The following PDE8B variants were observed in gnomAD, a reference collection of about 807,000 sequenced individuals.
PDE8B encodes phosphodiesterase 8B.
A neutral mutation model predicts 101.3 loss-of-function variants in PDE8B; 26 were observed. The ratio of observed to expected loss-of-function variants is 0.26; its 90% CI spans 0.19 to 0.36. PDE8B has a LOEUF of 0.36. PDE8B is among the 10% of genes least tolerant of loss of function. The pLI, the probability that PDE8B is intolerant of heterozygous loss-of-function variation, is 1.00. For synonymous variants in PDE8B, 424 were observed against 429.3 expected, an observed-to-expected ratio of 0.99 and a Z score of 0.15; for missense variants, 810 against 1,163.1, an observed-to-expected ratio of 0.70 and a Z score of 4.42.
chr5:77,167,749 G>A, the PDE8B span, among the ~76,000 whole-genome samples: 5 of 152,198 alleles, frequency 3.3e-5, no homozygotes, highest in South Asian at 6.2e-4. Flanking sequence ...TTGAAGGGAT[G>A]AGTAGAACGG....
chr5:77,091,813 A>C, the PDE8B span, among the ~76,000 whole-genome samples: 2 of 152,192 alleles, frequency 1.3e-5, no homozygotes, highest in African/African-American at 2.4e-5. Flanking sequence ...GTCTAAAAGA[A>C]TCCATTTAAC....
chr5:77,250,603 A>T (rs1269200129), intron 1 of PDE8B, among the ~76,000 whole-genome samples: 5 of 152,236 alleles, frequency 3.3e-5, no homozygotes, highest in Non-Finnish European at 5.9e-5. Flanking sequence ...TTTCCATGTG[A>T]CGATGACTTT....
chr5:77,095,610 T>G, the PDE8B span, among the ~76,000 whole-genome samples: 1 of 152,192 alleles, frequency 6.6e-6, no homozygotes, highest in Non-Finnish European at 1.5e-5. Context: ...CATTGTTCCT[T>G]TTCAGTTAGG....
At chr5:77,335,837 C>G (rs1183008645) in intron 5 of PDE8B, among the ~76,000 whole-genome samples, 1 of 152,008 alleles carries the variant, frequency 6.6e-6, no homozygotes, top group East Asian at 1.9e-4. Context: ...TTCCCCTTTC[C>G]TAAGTAGAAT....
chr5:77,147,697 T>A, the PDE8B span: 1 of 152,166 alleles, frequency 6.6e-6, no homozygotes, highest in East Asian at 1.9e-4. Context: ...AGTTGCCATG[T>A]GAAGAGGGCC....
intron 14 of PDE8B, chr5:77,410,860 CTTT>C (rs1561672477): frequency 6.6e-6 from 1 of 151,852 alleles, no homozygotes; most frequent in Non-Finnish European, 1.5e-5. Flanking sequence ...TATTATTATA[CTTT>C]AAGTTTTAGG....
chr5:77,089,292 C>G, the PDE8B span: 1 of 153,738 alleles, frequency 6.5e-6, no homozygotes, highest in Admixed American at 6.5e-5. Flanking sequence ...GGTTGTGTGC[C>G]CCTTGTGAGA....
intron 10 of PDE8B, among the ~76,000 whole-genome samples, chr5:77,398,672 C>T (rs987906736): frequency 6.6e-6 from 1 of 152,210 alleles, no homozygotes; most frequent in African/African-American, 2.4e-5. Flanking sequence ...AAGACACAGT[C>T]ATCTTACCGC....
chr5:77,175,988 A>G, the PDE8B span, among the ~76,000 whole-genome samples: 2 of 152,200 alleles, frequency 1.3e-5, no homozygotes, highest in African/African-American at 2.4e-5. Flanking sequence ...TTTTAACCTC[A>G]TCAGTGAAAC....
chr5:77,230,008 C>T (rs1753220113), intron 1 of PDE8B, among the ~76,000 whole-genome samples: 1 of 152,200 alleles, frequency 6.6e-6, no homozygotes, highest in Non-Finnish European at 1.5e-5. Context: ...TGAGGAACCA[C>T]TAAACTGTTC....
chr5:77,206,653 G>A (rs904785375), upstream of PDE8B, among the ~76,000 whole-genome samples: 1 of 152,130 alleles, frequency 6.6e-6, no homozygotes, highest in African/African-American at 2.4e-5. Flanking sequence ...ATCCACGTCG[G>A]GTAGGGTCTT....
In PDE8B at chr5:77,211,378, G is replaced by A; in HGVS notation, c.339+114G>A. 1.1e-6 allele frequency: 1 copy of A among 945,590 alleles called. No individual in the cohort carries two copies. The allele number at this position is 945,590 out of a possible 1,614,324, so 58.6% of individuals were successfully genotyped here. The stretch of plus-strand genomic sequence containing the variant: ...GACCGTGAGGCGGTTGGTTTGGAGA[G>A]GTTGTCACTAAGGAGGAGTTTACTT... On this transcript the variant is annotated intron_variant, in intron 1 of 21. Coordinates refer to ENST00000264917, the MANE Select transcript of PDE8B (RefSeq NM_003719.5). The surrounding 1 kb of genome is among the most constrained non-coding windows in gnomAD (Gnocchi z 4.1).
intron 17 of PDE8B, among the ~76,000 whole-genome samples, chr5:77,416,299 C>T (rs1481078935): frequency 6.6e-6 from 1 of 152,216 alleles, no homozygotes; most frequent in African/African-American, 2.4e-5. Context: ...AAAAAATAAA[C>T]AGGCCTGAGA....
chr5:77,417,631 T>C (rs1168718881), intron 17 of PDE8B, among the ~76,000 whole-genome samples: 1 of 152,158 alleles, frequency 6.6e-6, no homozygotes, highest in African/African-American at 2.4e-5. Flanking sequence ...CGAATTAGGG[T>C]TTCCCTTTTT....
chr5:77,421,198 C>T (rs567688456), intron 19 of PDE8B, among the ~76,000 whole-genome samples: 1 of 152,262 alleles, frequency 6.6e-6, no homozygotes, highest in African/African-American at 2.4e-5. Flanking sequence ...TCCAAGGACC[C>T]CACGCCTACC....
At chr5:77,168,881 A>G in the PDE8B span, among the ~76,000 whole-genome samples, 1 of 152,190 alleles carries the variant, frequency 6.6e-6, no homozygotes, top group African/African-American at 2.4e-5. Flanking sequence ...CAGCTTTGCA[A>G]TCATGTTTTT....
chr5:77,370,632 T>A (rs954088574), intron 10 of PDE8B, among the ~76,000 whole-genome samples: 1 of 152,230 alleles, frequency 6.6e-6, no homozygotes, highest in African/African-American at 2.4e-5. Context: ...CTTATACAAG[T>A]CTCTTTGTGA....
intron 11 of PDE8B, among the ~76,000 whole-genome samples, chr5:77,400,582 A>G (rs903451610): frequency 6.6e-6 from 1 of 152,180 alleles, no homozygotes; most frequent in Admixed American, 6.6e-5. Context: ...GAGTGGGCCG[A>G]AAGTCTAGGG....
chr5:77,286,265 C>T (rs567362984), intron 1 of PDE8B, among the ~76,000 whole-genome samples: 61 of 152,288 alleles, frequency 4.0e-4, no homozygotes, highest in African/African-American at 1.4e-3. Context: ...TTTAGTTGGA[C>T]TCCTTAAAAT....
Sources: allele counts gnomAD v4.1 joint callset (sites outside exome capture counted in the v4.1 genomes callset), GRCh38; gene constraint gnomAD v4.1.1; non-coding constraint Gnocchi (gnomAD v3.1); transcripts MANE v1.5; gene names NCBI Gene and HGNC (gene_info 2026-07-23, HGNC 2026-07-21).